NCOA3: variants seen among roughly 807,000 people sequenced by gnomAD.
NCOA3 encodes the protein CBP-interacting protein.
Under a neutral mutation model 158.8 loss-of-function variants are expected in NCOA3, and 51 were observed. That is an observed-to-expected ratio of 0.32 (90% CI 0.26 to 0.41). NCOA3 has a LOEUF of 0.41. Among genes scored for constraint, NCOA3 ranks in the 10% least tolerant of loss-of-function variants. NCOA3 has a pLI of 1.00. For synonymous variants in NCOA3, 537 were observed against 592.4 expected, an observed-to-expected ratio of 0.91 and a Z score of 1.36; for missense variants, 1,510 against 1,746.6, an observed-to-expected ratio of 0.86 and a Z score of 2.41.
intron 2 of NCOA3, among the ~76,000 whole-genome samples, chr20:47,602,757 T>C (rs2085883062): frequency 6.6e-6 from 1 of 152,234 alleles, no homozygotes; most frequent in Non-Finnish European, 1.5e-5. Context: ...TTGATAAGTC[T>C]AGTTTGTGGT....
At chr20:47,528,619 G>A (rs951253796) in intron 1 of NCOA3, among the ~76,000 whole-genome samples, 6 of 151,906 alleles carry the variant, frequency 3.9e-5, no homozygotes, top group Admixed American at 2.0e-4. Context: ...CTTTCTATGC[G>A]TAACTGTTCT....
chr20:47,552,996 C>T (rs574174027), intron 1 of NCOA3, among the ~76,000 whole-genome samples: 23 of 150,136 alleles, frequency 1.5e-4, no homozygotes, highest in African/African-American at 5.2e-4. Context: ...TACAGTGGTA[C>T]GATCTTGGTT....
intron 1 of NCOA3, among the ~76,000 whole-genome samples, chr20:47,517,743 G>A (rs1455383791): frequency 1.3e-5 from 2 of 151,908 alleles, no homozygotes; most frequent in African/African-American, 4.8e-5. Context: ...GAGCCACCAC[G>A]CCTGGCCAAT....
At chr20:47,516,292 A>G (rs781685623) in intron 1 of NCOA3, among the ~76,000 whole-genome samples, 3 of 152,182 alleles carry the variant, frequency 2.0e-5, no homozygotes, top group South Asian at 4.1e-4. Flanking sequence ...GTATATGGCA[A>G]ATCTCTGTAT....
rs2086787421 is a variant in NCOA3, at chr20:47,651,119, GCAACAGCAACAGCAA to G, written c.3792_3806del (p.Gln1272_Gln1276del). ...AGCAGCAGCAGCAGCAGCAGCAGCAGCAACAGCAACAGCAACAGCAACAGCAGCAACAGCAGCAAA... is the reference window on the plus strand; with the variant it reads ...AGCAGCAGCAGCAGCAGCAGCAGCAGCAGCAACAGCAGCAACAGCAGCAAA... On this transcript the variant is annotated inframe_deletion, in exon 20 of 23. Transcript: ENST00000371998. 7.8e-7 allele frequency: 1 copy of G among 1,280,298 alleles called. No individual in the cohort carries two copies. Among genetic ancestry groups the G allele is most frequent in the African/African-American group, 1.6e-5 (1 of 64,050 alleles). 79.3% of individuals were successfully genotyped at this position (1,280,298 alleles called of 1,614,324 possible).
chr20:47,604,150 A>G (rs942083684), intron 2 of NCOA3, among the ~76,000 whole-genome samples: 24 of 152,164 alleles, frequency 1.6e-4, no homozygotes, highest in Non-Finnish European at 2.9e-5. Flanking sequence ...ACAGTTCTTG[A>G]GGGAGCCATT....
chr20:47,634,318 T>C, intron 10 of NCOA3, 123 bp downstream of exon 10: 2 of 918,320 alleles, frequency 2.2e-6, no homozygotes, highest in Non-Finnish European at 3.3e-6. Context: ...TTGGGTTTGA[T>C]GAAATGAGTT....
intron 1 of NCOA3, among the ~76,000 whole-genome samples, chr20:47,504,453 C>A (rs1397006313): frequency 5.7e-5 from 8 of 140,918 alleles, no homozygotes; most frequent in Non-Finnish European, 1.1e-4. Context: ...AGGGACATTA[C>A]ATTAAAGATA....
chr20:47,590,704 G>A (rs2085617027), intron 2 of NCOA3, among the ~76,000 whole-genome samples: 1 of 152,176 alleles, frequency 6.6e-6, no homozygotes, highest in Admixed American at 6.5e-5. Flanking sequence ...CCAGCTGCTG[G>A]GGAGGCTGAG....
chr20:47,618,491 A>G (rs1248518645), intron 2 of NCOA3, among the ~76,000 whole-genome samples: 13 of 151,864 alleles, frequency 8.6e-5, no homozygotes, highest in Non-Finnish European at 1.5e-5. Flanking sequence ...AGTAGCTGGA[A>G]TTACAGACAT....
chr20:47,576,709 G>T (rs1425632906), intron 1 of NCOA3, among the ~76,000 whole-genome samples: 1 of 152,210 alleles, frequency 6.6e-6, no homozygotes, highest in African/African-American at 2.4e-5. Flanking sequence ...AGCCCGAGGG[G>T]TCAGCATGCA....
intron 8 of NCOA3, among the ~76,000 whole-genome samples, chr20:47,632,302 G>T (rs2086431975): frequency 6.6e-6 from 1 of 151,964 alleles, no homozygotes; most frequent in Non-Finnish European, 1.5e-5. Flanking sequence ...GAGGTTCCAT[G>T]CCCTCTCTGG....
rs1191900197 is a variant in NCOA3, at chr20:47,625,490, A to G, written c.357+9A>G. 6.4e-7 allele frequency: 1 copy of G among 1,571,418 alleles called. No homozygotes were observed. The highest frequency in any genetic ancestry group is 1.7e-5 in the Admixed American group (1 of 59,924). On this transcript the variant is annotated intron_variant, in intron 5 of 22. Coordinates refer to ENST00000371998, the MANE Select transcript of NCOA3 (RefSeq NM_181659.3). The stretch of plus-strand genomic sequence containing the variant: ...GACCGCTTTTACTTCAGGCAAGTAT[A>G]AAGATTTTAACTGTCCAGTAGGCTG...
rs2086281879 is a variant in NCOA3, at chr20:47,623,915, A to G, written c.88A>G (p.Thr30Ala). 6.2e-7 allele frequency: 1 copy of G among 1,612,274 alleles called. No homozygotes were observed. The highest frequency in any genetic ancestry group is 1.3e-5 in the African/African-American group (1 of 74,794). Residue 30 changes from threonine to alanine, a missense_variant, in exon 4 of 23, where the codon ACC becomes GCC. Physicochemically the swap from Thr to Ala is moderately conservative, Grantham distance 58 (BLOSUM62 0). Coordinates refer to ENST00000371998, the MANE Select transcript of NCOA3 (RefSeq NM_181659.3). ...TTTCTACGCCTTTTCCCTTAGTCTT[A>G]CCTGCAGTGGTGAAAAACGGAGACG... is the stretch of plus-strand genomic sequence containing the variant. ...LPCDTPGQGL[T>A]CSGEKRRREQ...
chr20:47,586,493 C>A (rs1451528357), intron 2 of NCOA3, among the ~76,000 whole-genome samples: 2 of 152,110 alleles, frequency 1.3e-5, no homozygotes, highest in East Asian at 1.9e-4. Context: ...TCTTATATAA[C>A]CATGGTACAG....
At chr20:47,522,904 A>AAC (rs1255957028) in intron 1 of NCOA3, among the ~76,000 whole-genome samples, 1 of 151,704 alleles carries the variant, frequency 6.6e-6, no homozygotes, top group African/African-American at 2.4e-5. Flanking sequence ...AAAAAAAAAA[A>AAC]AACGAGCCCG....
intron 2 of NCOA3, among the ~76,000 whole-genome samples, chr20:47,607,382 A>T (rs1316214283): frequency 6.6e-6 from 1 of 152,168 alleles, no homozygotes; most frequent in African/African-American, 2.4e-5. Context: ...GAAACTTACT[A>T]ATGGAGAAGG....
Position 47,653,716 on chromosome 20 carries a change from A to G in NCOA3, c.*299A>G. ...GGAGACATGGAGTGTTACTGATCATAAAACTTTTGTGTCACTTTTTTCTGC... is the reference window on the plus strand; with the variant it reads ...GGAGACATGGAGTGTTACTGATCATGAAACTTTTGTGTCACTTTTTTCTGC... On this transcript the variant is annotated 3_prime_UTR_variant, in exon 23 of 23. Coordinates refer to ENST00000371998, the MANE Select transcript of NCOA3 (RefSeq NM_181659.3). 2.5e-6 allele frequency: 1 copy of G among 399,552 alleles called. No individual in the cohort carries two copies. The highest frequency in any genetic ancestry group is 4.4e-6 in the Non-Finnish European group (1 of 225,932). 24.8% of individuals were successfully genotyped at this position (399,552 alleles called of 1,614,324 possible).
intron 1 of NCOA3, among the ~76,000 whole-genome samples, chr20:47,511,712 C>A (rs1432210589): frequency 6.6e-6 from 1 of 150,980 alleles, no homozygotes; most frequent in Non-Finnish European, 1.5e-5. Flanking sequence ...ACCACGTGGA[C>A]CCAGCTAATT....
Sources: allele counts gnomAD v4.1 joint callset (sites outside exome capture counted in the v4.1 genomes callset), GRCh38; gene constraint gnomAD v4.1.1; transcripts MANE v1.5; gene names NCBI Gene and HGNC (gene_info 2026-07-23, HGNC 2026-07-21).